The following CCDC171 variants were observed in gnomAD, a reference collection of about 807,000 sequenced individuals.
The protein encoded by CCDC171 is coiled-coil domain-containing protein 171.
Under a neutral mutation model 168.2 loss-of-function variants are expected in CCDC171, and 177 were observed. The observed-to-expected ratio is 1.05, with a 90% confidence interval of 0.93 to 1.19. CCDC171 has a LOEUF of 1.19. Among genes scored for constraint, CCDC171 ranks in the 50% most tolerant of loss-of-function variants. The probability of loss-of-function intolerance (pLI) is 0.00; values close to 1 mark genes in which losing one functional copy is unlikely to be tolerated. For missense variants in CCDC171, 1,991 were observed against 1,539.0 expected, an observed-to-expected ratio of 1.29 and a Z score of -4.91; for synonymous variants, 687 against 540.8, an observed-to-expected ratio of 1.27 and a Z score of -3.75.
At chr9:15,995,748 CTG>C (rs1372255461) in intron 3 of CCDC171, among the ~76,000 whole-genome samples, 2 of 152,220 alleles carry the variant, frequency 1.3e-5, no homozygotes, top group African/African-American at 4.8e-5. Flanking sequence ...AAACTTAACA[CTG>C]TGTGTTTTCT....
chr9:15,664,441 G>A (rs922206097), intron 8 of CCDC171, among the ~76,000 whole-genome samples: 1 of 151,932 alleles, frequency 6.6e-6, no homozygotes, highest in African/African-American at 2.4e-5. Flanking sequence ...TAGAGATGGG[G>A]TTTCACCATG....
rs1453309784 is a variant in CCDC171 at position 15,567,334 on chromosome 9, C to G, written c.41+3205C>G. Among the ~76,000 whole-genome samples the G allele has an allele frequency of 2.6e-5, 4 of 152,198 alleles. No individual in the cohort carries two copies. In the South Asian group the frequency reaches 6.2e-4, roughly 24 times the overall value. ...TGTTCTTAATCCAATATCACATTGTCTTGATTACTGTAGCTTTATAGTAAG... is the reference window on the plus strand; with the variant it reads ...TGTTCTTAATCCAATATCACATTGTGTTGATTACTGTAGCTTTATAGTAAG... On this transcript the variant is annotated intron_variant, in intron 2 of 25. Transcript: ENST00000380701.
chr9:15,907,961 T>C (rs570486542), intron 24 of CCDC171, among the ~76,000 whole-genome samples: 4,882 of 152,064 alleles, frequency 0.032, 132 homozygotes, highest in Non-Finnish European at 0.044. Context: ...TGAGATACCA[T>C]CTCACACCAT....
chr9:15,674,180 G>C (rs968879440), intron 9 of CCDC171, among the ~76,000 whole-genome samples: 2 of 152,130 alleles, frequency 1.3e-5, no homozygotes, highest in South Asian at 2.1e-4. Flanking sequence ...ATAGTAGTTT[G>C]TATTTCTGTG....
the CCDC171 span, among the ~76,000 whole-genome samples, chr9:16,099,178 C>A: frequency 1.3e-5 from 2 of 152,084 alleles, no homozygotes; most frequent in Non-Finnish European, 2.9e-5. Flanking sequence ...TTTGCTAATT[C>A]TTGGAGATTT....
downstream of CCDC171, among the ~76,000 whole-genome samples, chr9:16,065,542 G>A (rs1391569249): frequency 6.6e-6 from 1 of 152,188 alleles, no homozygotes; most frequent in Non-Finnish European, 1.5e-5. Context: ...GAGTTACAAA[G>A]CACTTTCCTT....
chr9:15,628,342 G>A (rs975426737), intron 7 of CCDC171, among the ~76,000 whole-genome samples: 1 of 152,146 alleles, frequency 6.6e-6, no homozygotes, highest in African/African-American at 2.4e-5. Flanking sequence ...GCGCTTTTCC[G>A]ACGGGCTTAA....
At chr9:15,606,573 T>A (rs1229367720) in intron 6 of CCDC171, among the ~76,000 whole-genome samples, 1 of 152,188 alleles carries the variant, frequency 6.6e-6, no homozygotes, top group Non-Finnish European at 1.5e-5. Flanking sequence ...TATTGATATA[T>A]TTTATAAGCT....
At chr9:16,043,276 A>T (rs559572553) in intron 1 of CCDC171, among the ~76,000 whole-genome samples, 3 of 152,164 alleles carry the variant, frequency 2.0e-5, no homozygotes, top group African/African-American at 7.2e-5. Context: ...TTTATTATAT[A>T]TTTTTGTGTG....
chr9:15,721,724 C>G, intron 11 of CCDC171, 45 bp from the exon 12 acceptor site: 1 of 1,133,436 alleles, frequency 8.8e-7, no homozygotes, highest in Non-Finnish European at 1.2e-6. Flanking sequence ...AGTTTTGTCC[C>G]TTTGTGACTT....
chr9:15,595,065 T>C (rs1175877654), intron 6 of CCDC171, among the ~76,000 whole-genome samples: 1 of 152,220 alleles, frequency 6.6e-6, no homozygotes, highest in African/African-American at 2.4e-5. Context: ...CCACATATAA[T>C]ACATTTTGGA....
intron 21 of CCDC171, among the ~76,000 whole-genome samples, chr9:15,800,230 C>T (rs1277696354): frequency 2.0e-5 from 3 of 152,112 alleles, no homozygotes; most frequent in African/African-American, 7.2e-5. Flanking sequence ...TACATTCCCA[C>T]CAACAGCATA....
intron 24 of CCDC171, among the ~76,000 whole-genome samples, chr9:15,896,386 A>G (rs1820901379): frequency 6.6e-6 from 1 of 152,120 alleles, no homozygotes; most frequent in Non-Finnish European, 1.5e-5. Context: ...ACTCCTTCTC[A>G]TACCTGAAGA....
intron 10 of CCDC171, among the ~76,000 whole-genome samples, chr9:15,691,574 A>G (rs2050798694): frequency 6.9e-6 from 1 of 143,972 alleles, no homozygotes; most frequent in Admixed American, 6.9e-5. Context: ...ATATATATGT[A>G]CACATAAACT....
chr9:15,861,296 C>T (rs2061548604), intron 23 of CCDC171, among the ~76,000 whole-genome samples: 1 of 150,866 alleles, frequency 6.6e-6, no homozygotes, highest in African/African-American at 2.4e-5. Context: ...GAAGTTAAAC[C>T]TATTTACGTT....
intron 21 of CCDC171, among the ~76,000 whole-genome samples, chr9:15,785,358 A>G (rs995163532): frequency 2.6e-5 from 4 of 152,146 alleles, no homozygotes; most frequent in African/African-American, 9.6e-5. Flanking sequence ...GGAAACAAAA[A>G]TGATATAGCC....
intron 6 of CCDC171, among the ~76,000 whole-genome samples, chr9:15,609,023 A>G (rs1391443520): frequency 3.0e-5 from 4 of 135,378 alleles, no homozygotes; most frequent in African/African-American, 1.1e-4. Context: ...TTGGTTATGT[A>G]TATTCCTTTT....
At chr9:15,572,276 T>C (rs565213114) in intron 3 of CCDC171, among the ~76,000 whole-genome samples, 1 of 152,218 alleles carries the variant, frequency 6.6e-6, no homozygotes, top group African/African-American at 2.4e-5. Flanking sequence ...AGATAATTCA[T>C]GAGTCATATC....
chr9:15,905,707 C>A (rs1350768047), intron 24 of CCDC171, among the ~76,000 whole-genome samples: 4 of 152,108 alleles, frequency 2.6e-5, no homozygotes, highest in Non-Finnish European at 4.4e-5. Context: ...ACACAAAAAA[C>A]CCTTCAAAAA....
Sources: gnomAD v4.1 joint callset for allele counts (sites outside exome capture counted in the v4.1 genomes callset) on GRCh38, gnomAD v4.1.1 for gene constraint, MANE v1.5 for transcripts, NCBI Gene and HGNC (gene_info 2026-07-23, HGNC 2026-07-21) for gene names.